The following FHIT variants were observed in gnomAD, a reference collection of about 807,000 sequenced individuals.
FHIT encodes fragile histidine triad diadenosine triphosphatase, also known as bis(5'-adenosyl)-triphosphatase.
Under a neutral mutation model 17.9 loss-of-function variants are expected in FHIT, and 19 were observed. The ratio of observed to expected loss-of-function variants is 1.06; its 90% CI spans 0.74 to 1.56. The LOEUF (loss-of-function observed/expected upper bound fraction) is 1.56. Ranked by LOEUF, FHIT falls within the 40% of genes most tolerant of loss-of-function variation. The pLI is 0.00. For missense variants in FHIT, 248 were observed against 189.2 expected, an observed-to-expected ratio of 1.31 and a Z score of -1.82; for synonymous variants, 81 against 69.7, an observed-to-expected ratio of 1.16 and a Z score of -0.81.
intron 8 of FHIT, among the ~76,000 whole-genome samples, chr3:59,839,960 C>A (rs1701471348): frequency 6.6e-6 from 1 of 152,204 alleles, no homozygotes. Flanking sequence ...ACTTCTTTTA[C>A]TGACTTTTCA....
At chr3:60,317,255 G>GA (rs1378934527) in intron 5 of FHIT, among the ~76,000 whole-genome samples, 11 of 151,632 alleles carry the variant, frequency 7.3e-5, no homozygotes, top group African/African-American at 2.7e-4. Context: ...AAGAACTTTT[G>GA]AAAATCAATC....
chr3:60,073,827 C>G (rs1702889311), intron 5 of FHIT, among the ~76,000 whole-genome samples: 1 of 152,118 alleles, frequency 6.6e-6, no homozygotes, highest in African/African-American at 2.4e-5. Context: ...CCTGCAACCT[C>G]CAGCTTGATT....
intron 4 of FHIT, among the ~76,000 whole-genome samples, chr3:60,777,511 A>G (rs979470392): frequency 4.6e-5 from 7 of 152,176 alleles, no homozygotes; most frequent in Admixed American, 6.5e-5. Flanking sequence ...TAGCAGACTT[A>G]AGAGAGAGCA....
At chr3:59,906,007 A>G (rs1378274626) in intron 8 of FHIT, among the ~76,000 whole-genome samples, 1 of 152,172 alleles carries the variant, frequency 6.6e-6, no homozygotes, top group Non-Finnish European at 1.5e-5. Flanking sequence ...CATTAAAAAG[A>G]TAAGAGATTC....
chr3:60,432,585 A>G (rs1702957869), intron 5 of FHIT, among the ~76,000 whole-genome samples: 1 of 152,118 alleles, frequency 6.6e-6, no homozygotes, highest in Non-Finnish European at 1.5e-5. Context: ...TAAGCAAGAG[A>G]CTACTAGCAT....
chr3:60,790,856 CA>C (rs1353183876), intron 4 of FHIT, among the ~76,000 whole-genome samples: 1 of 152,128 alleles, frequency 6.6e-6, no homozygotes, highest in African/African-American at 2.4e-5. Flanking sequence ...ACAAATGTGT[CA>C]ATCCAATGCA....
At chr3:60,104,257 C>T (rs17311592) in intron 5 of FHIT, among the ~76,000 whole-genome samples, 4,780 of 152,256 alleles carry the variant, frequency 0.031, 103 homozygotes, top group Non-Finnish European at 0.042. Flanking sequence ...CTTGTCAACA[C>T]ATCATCAATC....
intron 5 of FHIT, among the ~76,000 whole-genome samples, chr3:60,045,784 G>A (rs186274887): frequency 1.3e-5 from 2 of 152,074 alleles, no homozygotes; most frequent in African/African-American, 4.8e-5. Context: ...GGAGATCATG[G>A]GTGATTTCCA....
intron 2 of FHIT, among the ~76,000 whole-genome samples, chr3:61,067,018 G>T (rs2034635261): frequency 6.6e-6 from 1 of 152,172 alleles, no homozygotes; most frequent in Non-Finnish European, 1.5e-5. Flanking sequence ...TTGTGCGTGG[G>T]CTGGGAAGCC....
intron 5 of FHIT, among the ~76,000 whole-genome samples, chr3:60,061,910 G>A (rs1331335784): frequency 6.6e-6 from 1 of 152,050 alleles, no homozygotes; most frequent in African/African-American, 2.4e-5. Context: ...GAAAGCAAAA[G>A]AAAGAGAAAT....
intron 7 of FHIT, among the ~76,000 whole-genome samples, chr3:59,933,763 T>C (rs1343474092): frequency 1.3e-5 from 2 of 152,174 alleles, no homozygotes; most frequent in East Asian, 3.9e-4. Flanking sequence ...CAATAAATTA[T>C]ATGGTCTCCC....
At position 59,955,878 on chromosome 3, in the gene FHIT, T is replaced by C. The variant is rs138047416; in HGVS notation, c.280-33464A>G. On this transcript the variant is annotated intron_variant, in intron 7 of 9. Coordinates refer to ENST00000492590, the MANE Select transcript of FHIT (RefSeq NM_002012.4). Reference sequence around the variant, plus strand: ...GGCAATCACCTCCTAACTCCACTCCTGTATCTCCACAGTCAGTTCTCTGCC... The same window carrying C: ...GGCAATCACCTCCTAACTCCACTCCCGTATCTCCACAGTCAGTTCTCTGCC... 7.6e-3 allele frequency among the ~76,000 whole-genome samples: 1,164 copies of C among 152,330 alleles called. 28 individuals are homozygous for C. The highest frequency in any genetic ancestry group is 0.031 in the Middle Eastern group (9 of 294).
intron 5 of FHIT, among the ~76,000 whole-genome samples, chr3:60,017,039 G>A (rs748844174): frequency 2.0e-5 from 3 of 152,128 alleles, no homozygotes; most frequent in African/African-American, 7.2e-5. Flanking sequence ...AATTCAACCC[G>A]TCTGTCCGAT....
chr3:59,945,435 A>G (rs776084713), intron 7 of FHIT, among the ~76,000 whole-genome samples: 40 of 152,046 alleles, frequency 2.6e-4, no homozygotes, highest in Non-Finnish European at 2.6e-4. Context: ...TGTCAGATGC[A>G]TAGTTTGCAA....
intron 3 of FHIT, among the ~76,000 whole-genome samples, chr3:61,028,907 A>G (rs915505212): frequency 7.2e-5 from 11 of 152,186 alleles, no homozygotes; most frequent in African/African-American, 1.7e-4. Flanking sequence ...AAAAGAAAAA[A>G]AAAAACAGAG....
At chr3:60,321,440 T>G (rs1028771709) in intron 5 of FHIT, among the ~76,000 whole-genome samples, 2 of 152,122 alleles carry the variant, frequency 1.3e-5, no homozygotes, top group Non-Finnish European at 2.9e-5. Context: ...TGCACCACTG[T>G]ACTCCAGCCT....
At chr3:60,183,396 TCAAA>T in intron 5 of FHIT, among the ~76,000 whole-genome samples, 1 of 152,118 alleles carries the variant, frequency 6.6e-6, no homozygotes, top group East Asian at 1.9e-4. Context: ...AGACTCTGTC[TCAAA>T]CAAAGAAACA....
intron 5 of FHIT, among the ~76,000 whole-genome samples, chr3:60,087,935 G>A (rs1026452753): frequency 6.6e-6 from 1 of 152,094 alleles, no homozygotes; most frequent in African/African-American, 2.4e-5. Flanking sequence ...CGCTACAAAG[G>A]TGTCACTGAG....
intron 3 of FHIT, among the ~76,000 whole-genome samples, chr3:60,898,391 G>C (rs1553762382): frequency 6.6e-6 from 1 of 152,156 alleles, no homozygotes; most frequent in East Asian, 1.9e-4. Context: ...GGAATTGCAG[G>C]ATTAAATAGT....
Sources: allele counts gnomAD v4.1 joint callset (sites outside exome capture counted in the v4.1 genomes callset), GRCh38; gene constraint gnomAD v4.1.1; transcripts MANE v1.5; gene names NCBI Gene and HGNC (gene_info 2026-07-23, HGNC 2026-07-21).